Variants in RABL6 observed in about 807,000 individuals in gnomAD.
The protein encoded by RABL6 is RAB, member RAS oncogene family like 6.
In RABL6, 28 loss-of-function variants were observed where a neutral mutation model predicts 72.9. That is an observed-to-expected ratio of 0.38 (90% CI 0.28 to 0.53). The LOEUF is 0.53. RABL6 is among the 20% of genes least tolerant of loss of function. RABL6 has a pLI of 0.80. For synonymous variants in RABL6, 477 were observed against 421.2 expected, an observed-to-expected ratio of 1.13 and a Z score of -1.62; for missense variants, 1,029 against 1,008.4, an observed-to-expected ratio of 1.02 and a Z score of -0.28.
At chr9:136,815,055 C>T (rs1794256985) in intron 1 of RABL6, 2 of 194,334 alleles carry the variant, frequency 1.0e-5, no homozygotes, top group African/African-American at 4.8e-5. Flanking sequence ...GAGCCATCTT[C>T]CTCAGCATCG....
chr9:136,815,834 A>G (rs530332658), intron 1 of RABL6, among the ~76,000 whole-genome samples: 1 of 152,372 alleles, frequency 6.6e-6, no homozygotes, highest in African/African-American at 2.4e-5. Flanking sequence ...AGAAAGGCTC[A>G]GGGCCTCAAA....
At chr9:136,838,691 G>C (rs1332867678) in intron 10 of RABL6, among the ~76,000 whole-genome samples, 1 of 152,250 alleles carries the variant, frequency 6.6e-6, no homozygotes, top group Non-Finnish European at 1.5e-5. Flanking sequence ...CCACTGAGCG[G>C]CCGCAGGGCA....
At chr9:136,808,454 G>C in intron 1 of RABL6, 128 bp downstream of exon 1, 4 of 1,085,562 alleles carry the variant, frequency 3.7e-6, no homozygotes, top group Non-Finnish European at 4.7e-6. Flanking sequence ...GGGCCCGCCG[G>C]GCGCTCCGGG....
Position 136,839,456 on chromosome 9 carries a change from G to C in RABL6, c.1728G>C (p.Glu576Asp). 4.3e-6 allele frequency: 7 copies of C among 1,612,542 alleles called. No individual in the cohort carries two copies. Among genetic ancestry groups the C allele is most frequent in the Non-Finnish European group, 5.9e-6 (7 of 1,179,728 alleles). Residue 576 changes from glutamate (E) to aspartate (D), a missense_variant, in exon 12 of 15, where the codon GAG (glutamate) becomes GAC (aspartate). Glu to Asp is a conservative substitution (Grantham distance 45). Coordinates refer to ENST00000311502, the MANE Select transcript of RABL6 (RefSeq NM_024718.5). ...LSFVMDDPDF[E>D]SEGSDTQRRA... ...TCGTCATGGATGACCCCGACTTTGA[G>C]AGCGAGGGATCAGACACACAGCGCA... is the stretch of plus-strand genomic sequence containing the variant.
rs1389660092 is a variant in RABL6 at position 136,823,566 on chromosome 9, G to A, written c.172G>A (p.Ala58Thr). The A allele has an allele frequency of 6.2e-7, 1 of 1,613,888 alleles. No individual in the cohort carries two copies. The highest frequency in any genetic ancestry group is 8.5e-7 in the Non-Finnish European group (1 of 1,179,874). ...GGGAGACAGGAACACGGGCAAGACAGCGCTGTGGCACCGCCTGCAGGGCCG... is the reference window on the plus strand; with the variant it reads ...GGGAGACAGGAACACGGGCAAGACAACGCTGTGGCACCGCCTGCAGGGCCG... ...IRGDRNTGKT[A>T]LWHRLQGRPF... The change falls in exon 2 of 15, where the codon GCG (alanine) becomes ACG (threonine). Residue 58 changes from alanine to threonine, a missense_variant. Physicochemically the swap from Ala to Thr is moderately conservative, Grantham distance 58. Coordinates refer to ENST00000311502, the MANE Select transcript of RABL6 (RefSeq NM_024718.5).
chr9:136,833,809 G>A (rs1415244924), intron 7 of RABL6: 3 of 1,550,524 alleles, frequency 1.9e-6, no homozygotes, highest in Non-Finnish European at 2.6e-6. Context: ...ACTGCTGCTG[G>A]GGACGTTTGG....
At chr9:136,824,326 GTTTTTTTTTTT>G in intron 2 of RABL6, among the ~76,000 whole-genome samples, 1 of 75,054 alleles carries the variant, frequency 1.3e-5, no homozygotes, top group South Asian at 5.4e-4. Context: ...GTTTGGTTGG[GTTTTTTTTTTT>G]TTTTTTTTTT....
At chr9:136,829,523 C>A in intron 5 of RABL6, 39 bp downstream of exon 5, 1 of 1,526,568 alleles carries the variant, frequency 6.6e-7, no homozygotes, top group East Asian at 2.4e-5. Context: ...CTGTGACTCT[C>A]ACCCCCCTAG....
intron 3 of RABL6, 125 bp from the exon 4 acceptor site, chr9:136,828,369 T>C (rs1038248332): frequency 1.1e-5 from 10 of 902,918 alleles, no homozygotes; most frequent in Admixed American, 2.1e-5. Flanking sequence ...CTGCAGGCTG[T>C]TTGGGGTGGT....
At chr9:136,835,565 C>G (rs543586836) in intron 7 of RABL6, 177 bp from the exon 8 acceptor site, 44 of 586,670 alleles carry the variant, frequency 7.5e-5, no homozygotes, top group Admixed American at 1.2e-4. Context: ...ATCCTCTGGG[C>G]TTCTGTGGTT....
chr9:136,838,378 A>G (rs893484330), intron 10 of RABL6, among the ~76,000 whole-genome samples: 22 of 152,192 alleles, frequency 1.4e-4, no homozygotes, highest in African/African-American at 4.8e-4. Flanking sequence ...CTGCAGAGAC[A>G]GGGGCGGCTT....
In RABL6 at chr9:136,839,279, A is replaced by AC. The variant is rs755631481; in HGVS notation, c.1557dup (p.Trp520LeufsTer22). On this transcript the variant is annotated frameshift_variant, in exon 12 of 15. Transcript: ENST00000311502. LOFTEE classifies it high-confidence loss of function. The stretch of plus-strand genomic sequence containing the variant: ...GGACAGCTCCCACGAGGACCGCAGC[A>AC]CCCCCCTGGCCAGGCGGTGTCTCTG... 4 of 1,608,960 alleles carry AC rather than the reference A, an allele frequency of 2.5e-6. No individual in the cohort carries two copies. The highest frequency in any genetic ancestry group is 2.5e-6 in the Non-Finnish European group (3 of 1,178,442).
chr9:136,811,088 A>G (rs1848001865), intron 1 of RABL6, among the ~76,000 whole-genome samples: 1 of 152,200 alleles, frequency 6.6e-6, no homozygotes, highest in African/African-American at 2.4e-5. Flanking sequence ...GAAAAAGTCA[A>G]ACTCTGTCAA....
At chr9:136,828,773 T>C (rs931318032) in intron 4 of RABL6, among the ~76,000 whole-genome samples, 2 of 152,064 alleles carry the variant, frequency 1.3e-5, no homozygotes, top group Non-Finnish European at 2.9e-5. Context: ...GACCCCTATT[T>C]GCATTTGAGT....
chr9:136,828,402 T>TGG (rs1359320298), intron 3 of RABL6, 92 bp from the exon 4 acceptor site: 1 of 1,316,376 alleles, frequency 7.6e-7, no homozygotes, highest in Admixed American at 1.9e-5. Flanking sequence ...CCGCTGGAGC[T>TGG]GGGGGCTGAG....
At position 136,807,968 on chromosome 9, in the gene RABL6, G is replaced by C; in HGVS notation, c.-229G>C. 1.0e-6 allele frequency: 1 copy of C among 1,003,520 alleles called. No homozygotes were observed. The highest frequency in any genetic ancestry group is 1.2e-6 in the Non-Finnish European group (1 of 843,688). The allele number at this position is 1,003,520 out of a possible 1,614,324, so 62.2% of individuals were successfully genotyped here. On this transcript the variant is annotated 5_prime_UTR_variant, in exon 1 of 15. Coordinates refer to ENST00000311502, the MANE Select transcript of RABL6 (RefSeq NM_024718.5). The stretch of plus-strand genomic sequence containing the variant: ...CGCCAAGATGGCGGCGCTGACTCCT[G>C]GAGAGCGGTCGCGCCGGAGGCCGCG...
intron 3 of RABL6, 165 bp from the exon 4 acceptor site, chr9:136,828,329 C>T: frequency 1.5e-6 from 1 of 670,466 alleles, no homozygotes. Flanking sequence ...CGCCCAGGTC[C>T]TGCTGCTCCA....
At chr9:136,823,185 C>T (rs1848279720) in intron 1 of RABL6, among the ~76,000 whole-genome samples, 2 of 151,516 alleles carry the variant, frequency 1.3e-5, no homozygotes, top group Non-Finnish European at 2.9e-5. Flanking sequence ...AGGTGGTGGG[C>T]CCTGACCCTG....
chr9:136,839,021 C>T lies in RABL6; in HGVS notation c.1393C>T (p.Gln465Ter). The change falls in exon 11 of 15, where the codon CAA (glutamine) becomes TAA (stop). Residue 465 changes from glutamine (Q) to a stop codon, truncating the protein, a stop_gained. Transcript: ENST00000311502. LOFTEE classifies it high-confidence loss of function. Reference protein sequence around the residue: ...PPLPAGPVPSQDITLSSEEEA... With the variant: ...PPLPAGPVPS The stretch of plus-strand genomic sequence containing the variant: ...GCTGCCTGCAGGCCCCGTCCCCAGT[C>T]AAGACATCACTCTTTCGAGTGAGGA... 1.2e-6 allele frequency: 2 copies of T among 1,612,496 alleles called. No homozygotes were observed. The highest frequency in any genetic ancestry group is 1.7e-6 in the Non-Finnish European group (2 of 1,179,752).
Sources: gnomAD v4.1 joint callset for allele counts (sites outside exome capture counted in the v4.1 genomes callset) on GRCh38, gnomAD v4.1.1 for gene constraint, MANE v1.5 for transcripts, NCBI Gene and HGNC (gene_info 2026-07-23, HGNC 2026-07-21) for gene names.